The following AGMO variants were observed in gnomAD, a reference collection of about 807,000 sequenced individuals.
The protein encoded by AGMO is alkylglycerol monooxygenase, also known as glyceryl-ether monooxygenase.
Under a neutral mutation model 60.2 loss-of-function variants are expected in AGMO, and 75 were observed. The ratio of observed to expected loss-of-function variants is 1.25; its 90% CI spans 1.03 to 1.51. The LOEUF is 1.51. Ranked by LOEUF, AGMO falls within the 40% of genes most tolerant of loss-of-function variation. The probability of loss-of-function intolerance (pLI) is 0.00; values close to 1 mark genes in which losing one functional copy is unlikely to be tolerated. For synonymous variants in AGMO, 261 were observed against 177.1 expected, an observed-to-expected ratio of 1.47 and a Z score of -3.76; for missense variants, 763 against 525.5, an observed-to-expected ratio of 1.45 and a Z score of -4.42.
the AGMO span, among the ~76,000 whole-genome samples, chr7:15,194,827 AGAT>A: frequency 6.6e-6 from 1 of 152,094 alleles, no homozygotes; most frequent in African/African-American, 2.4e-5. Flanking sequence ...TTCCATTTTT[AGAT>A]GATCTCCAAT....
At chr7:15,369,561 C>A (rs181984605) in intron 10 of AGMO, among the ~76,000 whole-genome samples, 149 of 152,196 alleles carry the variant, frequency 9.8e-4, no homozygotes, top group Non-Finnish European at 1.8e-3. Context: ...TCATTCAGGT[C>A]TCTATTCAAA....
chr7:15,201,883 T>C (rs531211536), intron 12 of AGMO, among the ~76,000 whole-genome samples: 2 of 152,280 alleles, frequency 1.3e-5, no homozygotes, highest in East Asian at 3.9e-4. Flanking sequence ...TGTAAAAATG[T>C]AACTGCAAAT....
chr7:15,350,228 A>C (rs7777590), intron 12 of AGMO, among the ~76,000 whole-genome samples: 1 of 151,962 alleles, frequency 6.6e-6, no homozygotes, highest in East Asian at 1.9e-4. Flanking sequence ...ACAAACACCA[A>C]GCATGAAGGA....
intron 3 of AGMO, among the ~76,000 whole-genome samples, chr7:15,494,303 G>A (rs370794352): frequency 6.6e-6 from 1 of 152,196 alleles, no homozygotes; most frequent in African/African-American, 2.4e-5. Context: ...TGCTCAGGCT[G>A]TGGCATATGT....
chr7:15,190,412 G>A, the AGMO span, among the ~76,000 whole-genome samples: 1 of 151,748 alleles, frequency 6.6e-6, no homozygotes, highest in Non-Finnish European at 1.5e-5. Context: ...AGAGAGTAAA[G>A]TAGATCATAC....
intron 3 of AGMO, among the ~76,000 whole-genome samples, chr7:15,482,270 T>C (rs1428624731): frequency 6.6e-6 from 1 of 151,970 alleles, no homozygotes; most frequent in Non-Finnish European, 1.5e-5. Context: ...CTAACAAGGC[T>C]GTCTAAGAAA....
At chr7:15,250,753 A>T (rs538574255) in intron 12 of AGMO, among the ~76,000 whole-genome samples, 3 of 152,196 alleles carry the variant, frequency 2.0e-5, no homozygotes, top group Admixed American at 2.0e-4. Flanking sequence ...CAGACTGGCC[A>T]ACAGTAGAGG....
intron 12 of AGMO, among the ~76,000 whole-genome samples, chr7:15,268,192 G>A (rs75485839): frequency 0.022 from 3,362 of 151,908 alleles, 119 homozygotes; most frequent in African/African-American, 0.078. Flanking sequence ...AATCAATATA[G>A]TCTTATGAAG....
chr7:15,287,634 T>G (rs1171391723), intron 12 of AGMO, among the ~76,000 whole-genome samples: 1 of 152,218 alleles, frequency 6.6e-6, no homozygotes, highest in African/African-American at 2.4e-5. Flanking sequence ...TGTATCAATT[T>G]AATCCAAAAC....
the AGMO span, among the ~76,000 whole-genome samples, chr7:15,121,872 T>C: frequency 1.1e-3 from 166 of 152,076 alleles, no homozygotes; most frequent in African/African-American, 3.8e-3. Flanking sequence ...TGCAAAAAAC[T>C]GAAACTTCCT....
At chr7:15,171,094 G>A in the AGMO span, among the ~76,000 whole-genome samples, 3 of 152,038 alleles carry the variant, frequency 2.0e-5, no homozygotes, top group Non-Finnish European at 2.9e-5. Context: ...CCATTCTCCT[G>A]CCTTAGCCTC....
chr7:15,485,142 CAAAAAAAA>C (rs34731268), intron 3 of AGMO, among the ~76,000 whole-genome samples: 4 of 97,812 alleles, frequency 4.1e-5, no homozygotes, highest in Admixed American at 1.1e-4. Flanking sequence ...ACTAAAAATA[CAAAAAAAA>C]AAAAAAAAAA....
chr7:15,333,552 T>C (rs1041582890), intron 12 of AGMO, among the ~76,000 whole-genome samples: 2 of 150,852 alleles, frequency 1.3e-5, no homozygotes, highest in Non-Finnish European at 3.0e-5. Context: ...AGTGCTAATG[T>C]ATACCCTTTG....
intron 10 of AGMO, among the ~76,000 whole-genome samples, chr7:15,377,606 GATTTT>G (rs1337928202): frequency 6.6e-6 from 1 of 151,952 alleles, no homozygotes; most frequent in Admixed American, 6.6e-5. Flanking sequence ...TTTATTTAGA[GATTTT>G]ATTTAATACA....
chr7:15,301,563 T>G (rs1295664276), intron 12 of AGMO, among the ~76,000 whole-genome samples: 1 of 151,724 alleles, frequency 6.6e-6, no homozygotes, highest in Non-Finnish European at 1.5e-5. Flanking sequence ...CTAAAACCAA[T>G]ACAATAAGTG....
At chr7:15,246,138 A>G (rs914248291) in intron 12 of AGMO, among the ~76,000 whole-genome samples, 1 of 152,206 alleles carries the variant, frequency 6.6e-6, no homozygotes, top group Admixed American at 6.5e-5. Flanking sequence ...TTCAAACTAC[A>G]TTTTTAGGGA....
chr7:15,184,126 A>G, the AGMO span, among the ~76,000 whole-genome samples: 3 of 152,148 alleles, frequency 2.0e-5, no homozygotes, highest in Non-Finnish European at 4.4e-5. Context: ...CAAAAGTCTC[A>G]ATGTAAATTC....
Position 15,394,276 on chromosome 7 carries a change from TA to T in AGMO, c.610-98del, listed in dbSNP as rs2128486689. 3 of 948,476 alleles carry T rather than the reference TA, an allele frequency of 3.2e-6. No individual in the cohort carries two copies. In the East Asian group the frequency reaches 7.4e-5, roughly 23 times the overall value. The allele number at this position is 948,476 out of a possible 1,614,324, so 58.8% of individuals were successfully genotyped here. The stretch of plus-strand genomic sequence containing the variant: ...TTAGAAACTCACATAAATTAAGAGA[TA>T]TTGCGAATTTCAGGGTTGGTATCAG... On this transcript the variant is annotated intron_variant, in intron 5 of 12. Coordinates refer to ENST00000342526, the MANE Select transcript of AGMO (RefSeq NM_001004320.2).
intron 12 of AGMO, among the ~76,000 whole-genome samples, chr7:15,227,191 T>C (rs73277638): frequency 0.047 from 7,122 of 152,090 alleles, 553 homozygotes; most frequent in African/African-American, 0.16. Context: ...CGTAACCAAA[T>C]TGCAGTCTAA....
Sources: gnomAD v4.1 joint callset for allele counts (sites outside exome capture counted in the v4.1 genomes callset) on GRCh38, gnomAD v4.1.1 for gene constraint, MANE v1.5 for transcripts, NCBI Gene and HGNC (gene_info 2026-07-23, HGNC 2026-07-21) for gene names.